CCSAP: variants seen among roughly 807,000 people sequenced by gnomAD.
The protein encoded by CCSAP is centriole, cilia and spindle-associated protein.
Under a neutral mutation model 25.9 loss-of-function variants are expected in CCSAP, and 17 were observed. That is an observed-to-expected ratio of 0.66 (90% CI 0.45 to 0.99). The LOEUF (loss-of-function observed/expected upper bound fraction) is 0.99. Ranked by LOEUF, CCSAP falls within the 50% of genes least tolerant of loss-of-function variation. CCSAP has a pLI of 0.00. For missense variants in CCSAP, 339 were observed against 367.8 expected (o/e 0.92, Z 0.64); for synonymous variants, 169 against 157.1 (o/e 1.08, Z -0.57).
Position 229,321,057 on chromosome 1 carries a change from A to T in CCSAP, c.*4178T>A, listed in dbSNP as rs1039273885. ...ATTCACATTTTTCCAAGTAAATACA[A>T]TATTAACTATAAGCTAAAAACAATA... On this transcript the variant is annotated 3_prime_UTR_variant, in exon 4 of 4. Coordinates refer to ENST00000284617, the MANE Select transcript of CCSAP (RefSeq NM_145257.5). The T allele has an allele frequency of 6.6e-6, 1 of 152,224 alleles. No individual in the cohort carries two copies. Among genetic ancestry groups the T allele is most frequent in the African/African-American group, 2.4e-5 (1 of 41,462 alleles). The allele number at this position is 152,224 out of a possible 1,614,324, so 9.4% of individuals were successfully genotyped here.
At chr1:229,327,832 GC>G (rs1657980762) in intron 2 of CCSAP, among the ~76,000 whole-genome samples, 1 of 146,284 alleles carries the variant, frequency 6.8e-6, no homozygotes, top group African/African-American at 2.5e-5. Flanking sequence ...TTGCGCCACT[GC>G]ACTCCAGCCT....
chr1:229,325,286 T>A lies in CCSAP; in HGVS notation c.762A>T (p.Ser254=). The A allele has an allele frequency of 6.2e-7, 1 of 1,614,192 alleles. No individual in the cohort carries two copies. Among genetic ancestry groups the A allele is most frequent in the Non-Finnish European group, 8.5e-7 (1 of 1,180,028 alleles). ...EKNRKMKASS[S]ENPWMTEYMR... is the part of the protein sequence containing the mutation. ...TGTATTCTGTCATCCACGGGTTCTC[T>A]GAGGAGGAAGCCTTCATCTTTCTGT... Residue 254 remains serine, a synonymous_variant, in exon 4 of 4, where the codon TCA becomes TCT. Transcript: ENST00000284617.
intron 2 of CCSAP, among the ~76,000 whole-genome samples, chr1:229,332,394 G>T (rs1430261064): frequency 1.3e-5 from 2 of 151,800 alleles, no homozygotes; most frequent in Non-Finnish European, 2.9e-5. Context: ...CTTGTTTGCT[G>T]GTGGGAAAAT....
At position 229,321,097 on chromosome 1, in the gene CCSAP, A is replaced by T. The variant is rs1273589989; in HGVS notation, c.*4138T>A. The T allele has an allele frequency of 6.6e-6, 1 of 152,274 alleles. No individual in the cohort carries two copies. Among genetic ancestry groups the T allele is most frequent in the African/African-American group, 2.4e-5 (1 of 41,472 alleles). The allele number at this position is 152,274 out of a possible 1,614,324, so 9.4% of individuals were successfully genotyped here. A position where few individuals can be genotyped will look rare whatever the true frequency, so the allele number is the denominator to read the frequency against. The stretch of plus-strand genomic sequence containing the variant: ...TAAAAACAATACATAGTTCTTAGAA[A>T]ATACAACCCCGAATTATTGTGTGGC... On this transcript the variant is annotated 3_prime_UTR_variant, in exon 4 of 4. Coordinates refer to ENST00000284617, the MANE Select transcript of CCSAP (RefSeq NM_145257.5).
Position 229,324,720 on chromosome 1 carries a change from T to C in CCSAP, c.*515A>G, listed in dbSNP as rs1441560733. 1 of 152,542 alleles carries C rather than the reference T, an allele frequency of 6.6e-6. No homozygotes were observed. Among genetic ancestry groups the C allele is most frequent in the Non-Finnish European group, 1.5e-5 (1 of 68,080 alleles). 9.4% of individuals were successfully genotyped at this position (152,542 alleles called of 1,614,324 possible). The stretch of plus-strand genomic sequence containing the variant: ...AGCAAAGTTCTACTTTCATTATACA[T>C]GGAATCAGTAGTAGTGCTGACACTC... On this transcript the variant is annotated 3_prime_UTR_variant, in exon 4 of 4. Transcript: ENST00000284617.
chr1:229,325,579 A>C (rs74639636), intron 3 of CCSAP, among the ~76,000 whole-genome samples, 168 bp from the exon 4 acceptor site: 3,393 of 152,342 alleles, frequency 0.022, 51 homozygotes, highest in South Asian at 0.04. Flanking sequence ...CAGAAGAGCC[A>C]TTCTCACTTG....
rs141321579 is a variant in CCSAP, at chr1:229,339,266, C to T, written c.367+2833G>A. On this transcript the variant is annotated intron_variant, in intron 2 of 3. Transcript: ENST00000284617. The stretch of plus-strand genomic sequence containing the variant: ...GCCAAAGAGAAGACCGTGAAAGCTT[C>T]CTGAGGGCAACACATTACCTACAAA... 1.6e-3 allele frequency among the ~76,000 whole-genome samples: 250 copies of T among 152,154 alleles called. 1 individual carries two copies. The highest frequency in any genetic ancestry group is 2.9e-3 in the Non-Finnish European group (200 of 67,996).
At chr1:229,332,647 T>A (rs1658096049) in intron 2 of CCSAP, among the ~76,000 whole-genome samples, 1 of 152,090 alleles carries the variant, frequency 6.6e-6, no homozygotes, top group African/African-American at 2.4e-5. Flanking sequence ...ATAAATTCAG[T>A]CTCAATTTAG....
At position 229,321,019 on chromosome 1, in the gene CCSAP, GTTAA is replaced by G. The variant is rs1657806521; in HGVS notation, c.*4212_*4215del. The G allele has an allele frequency of 6.6e-6, 1 of 152,168 alleles. No individual in the cohort carries two copies. Among genetic ancestry groups the G allele is most frequent in the Non-Finnish European group, 1.5e-5 (1 of 68,042 alleles). 9.4% of individuals were successfully genotyped at this position (152,168 alleles called of 1,614,324 possible). A position where few individuals can be genotyped will look rare whatever the true frequency, so the allele number is the denominator to read the frequency against. On this transcript the variant is annotated 3_prime_UTR_variant, in exon 4 of 4. Coordinates refer to ENST00000284617, the MANE Select transcript of CCSAP (RefSeq NM_145257.5). ...TCACAAAAGAGTCTCAGCTTGTAAT[GTTAA>G]TTAACTTTATTCACATTTTTCCAAG...
rs2102701819 is a variant in CCSAP, at chr1:229,343,032, G to A, written c.-169C>T. 6.6e-6 allele frequency: 1 copy of A among 152,302 alleles called. No homozygotes were observed. The highest frequency in any genetic ancestry group is 1.9e-4 in the East Asian group (1 of 5,164). 9.4% of individuals were successfully genotyped at this position (152,302 alleles called of 1,614,324 possible). A position where few individuals can be genotyped will look rare whatever the true frequency, so the allele number is the denominator to read the frequency against. On this transcript the variant is annotated 5_prime_UTR_variant, in exon 1 of 4. Transcript: ENST00000284617. ...CTCCTGAGCAAGATGTCGCCGCGGC[G>A]GCCCGCGCTCCAGCTGCAGGCGGGA...
chr1:229,328,688 T>C (rs1381086104), intron 2 of CCSAP, among the ~76,000 whole-genome samples: 1 of 152,238 alleles, frequency 6.6e-6, no homozygotes, highest in Non-Finnish European at 1.5e-5. Flanking sequence ...GCCATTACTT[T>C]CAGTTGTGAC....
chr1:229,322,110 G>C lies in CCSAP; in HGVS notation c.*3125C>G, dbSNP rs1352075487. The C allele has an allele frequency of 6.6e-6, 1 of 152,190 alleles. No homozygotes were observed. The highest frequency in any genetic ancestry group is 1.5e-5 in the Non-Finnish European group (1 of 68,038). 9.4% of individuals were successfully genotyped at this position (152,190 alleles called of 1,614,324 possible). On this transcript the variant is annotated 3_prime_UTR_variant, in exon 4 of 4. Coordinates refer to ENST00000284617, the MANE Select transcript of CCSAP (RefSeq NM_145257.5). The stretch of plus-strand genomic sequence containing the variant: ...GGGAGGCCTGGAACCAATGCCCCAT[G>C]GATACTGAGAGGCGACTGTACCATA...
intron 2 of CCSAP, among the ~76,000 whole-genome samples, chr1:229,329,468 TTATTTTA>T (rs1658019225): frequency 6.6e-6 from 1 of 152,126 alleles, no homozygotes; most frequent in African/African-American, 2.4e-5. Context: ...AATAAAGGCT[TTATTTTA>T]TATATGCCAA....
chr1:229,328,328 G>A (rs1042177319), intron 2 of CCSAP, among the ~76,000 whole-genome samples: 1 of 151,956 alleles, frequency 6.6e-6, no homozygotes, highest in Non-Finnish European at 1.5e-5. Context: ...TAGAGACAGG[G>A]TCTCACTTGT....
In CCSAP at chr1:229,342,530, A is replaced by C. The variant is rs916282948; in HGVS notation, c.-48-17T>G. The C allele has an allele frequency of 2.6e-6, 3 of 1,137,014 alleles. No individual in the cohort carries two copies. Among genetic ancestry groups the C allele is most frequent in the South Asian group, 6.5e-5 (2 of 30,724 alleles). The allele number at this position is 1,137,014 out of a possible 1,614,324, so 70.4% of individuals were successfully genotyped here. ...GCCCGCAGCCTACGGGACCCGGTAC[A>C]CGACACAGAGGCCGCCCCGCCCCTC... On this transcript the variant is annotated splice_polypyrimidine_tract_variant and intron_variant, in intron 1 of 3. Coordinates refer to ENST00000284617, the MANE Select transcript of CCSAP (RefSeq NM_145257.5). The surrounding 1 kb of genome is among the most constrained non-coding windows in gnomAD (Gnocchi z 7.5).
Position 229,326,998 on chromosome 1 carries a change from C to T in CCSAP, c.376G>A (p.Val126Met). 2.5e-6 allele frequency: 4 copies of T among 1,601,986 alleles called. No individual in the cohort carries two copies. Among genetic ancestry groups the T allele is most frequent in the Non-Finnish European group, 3.4e-6 (4 of 1,173,128 alleles). ...AEDAALPALP[V>M]KDVEDKPEQQ... is the part of the protein sequence containing the mutation. The stretch of plus-strand genomic sequence containing the variant: ...TCAGGTTTATCTTCTACATCTTTCA[C>T]TGGCAGTGCTTTTGAAAAGAGATAA... Residue 126 changes from valine (V) to methionine (M), a missense_variant, in exon 3 of 4, where the codon GTG (valine) becomes ATG (methionine). Val to Met is a conservative substitution (Grantham distance 21). Transcript: ENST00000284617.
chr1:229,338,627 G>A (rs1450384094), intron 2 of CCSAP, among the ~76,000 whole-genome samples: 3 of 150,918 alleles, frequency 2.0e-5, no homozygotes, highest in Non-Finnish European at 4.4e-5. Context: ...AATGAGAAAC[G>A]AAGGATCATT....
At chr1:229,331,283 AGTCTTATTCAGACTACAAAATAGCT>A (rs1658060477) in intron 2 of CCSAP, among the ~76,000 whole-genome samples, 1 of 152,168 alleles carries the variant, frequency 6.6e-6, no homozygotes, top group Non-Finnish European at 1.5e-5. Context: ...AAATCCAAGG[AGTCTTATTCAGACTACAAAATAGCT>A]GTGCTTATAG....
In CCSAP at chr1:229,342,523, C is replaced by T. The variant is rs909122490; in HGVS notation, c.-48-10G>A. The T allele has an allele frequency of 3.3e-6, 4 of 1,205,480 alleles. No homozygotes were observed. Among genetic ancestry groups the T allele is most frequent in the Non-Finnish European group, 4.2e-6 (4 of 941,472 alleles). The allele number at this position is 1,205,480 out of a possible 1,614,324, so 74.7% of individuals were successfully genotyped here. A position where few individuals can be genotyped will look rare whatever the true frequency, so the allele number is the denominator to read the frequency against. On this transcript the variant is annotated splice_polypyrimidine_tract_variant and intron_variant, in intron 1 of 3. Coordinates refer to ENST00000284617, the MANE Select transcript of CCSAP (RefSeq NM_145257.5). This position sits in a 1 kb window ranked among gnomAD's most constrained non-coding sequence, Gnocchi z 7.5. ...CCTCGCTGCCCGCAGCCTACGGGACCCGGTACACGACACAGAGGCCGCCCC... is the reference window on the plus strand; with the variant it reads ...CCTCGCTGCCCGCAGCCTACGGGACTCGGTACACGACACAGAGGCCGCCCC...
Sources: allele counts gnomAD v4.1 joint callset (sites outside exome capture counted in the v4.1 genomes callset), GRCh38; gene constraint gnomAD v4.1.1; non-coding constraint Gnocchi (gnomAD v3.1); transcripts MANE v1.5; gene names NCBI Gene and HGNC (gene_info 2026-07-23, HGNC 2026-07-21).